Variants in UGGT2 observed in about 807,000 individuals in gnomAD.
UGGT2 encodes the protein UDP-glucose glycoprotein glucosyltransferase 2, also known as UDP-glucose:glycoprotein glucosyltransferase 2.
A neutral mutation model predicts 192.1 loss-of-function variants in UGGT2; 180 were observed. That is an observed-to-expected ratio of 0.94 (90% CI 0.83 to 1.06). The LOEUF (loss-of-function observed/expected upper bound fraction) is 1.06. UGGT2 is among the 50% of genes least tolerant of loss of function. The probability of loss-of-function intolerance (pLI) is 0.00; values close to 1 mark genes in which losing one functional copy is unlikely to be tolerated. For synonymous variants in UGGT2, 580 were observed against 591.0 expected, an observed-to-expected ratio of 0.98 and a Z score of 0.27; for missense variants, 1,849 against 1,795.7, an observed-to-expected ratio of 1.03 and a Z score of -0.54.
intron 2 of UGGT2, among the ~76,000 whole-genome samples, chr13:96,024,032 T>C (rs1314557624): frequency 2.0e-5 from 3 of 152,180 alleles, no homozygotes. Flanking sequence ...CAGACCAACT[T>C]ACTCCAAAGT....
At chr13:95,915,814 C>T (rs1225877258) in intron 20 of UGGT2, among the ~76,000 whole-genome samples, 1 of 152,168 alleles carries the variant, frequency 6.6e-6, no homozygotes, top group East Asian at 1.9e-4. Flanking sequence ...AGCAGGACCC[C>T]AATCCATTCC....
At chr13:95,989,483 T>C (rs766188132) in intron 8 of UGGT2, 1 of 248,616 alleles carries the variant, frequency 4.0e-6, no homozygotes, top group Non-Finnish European at 8.7e-6. Flanking sequence ...TCACAAAATA[T>C]CTGCTTGTAG....
At chr13:95,940,306 TTA>T (rs879113554) in intron 15 of UGGT2, among the ~76,000 whole-genome samples, 1 of 151,940 alleles carries the variant, frequency 6.6e-6, no homozygotes, top group South Asian at 2.1e-4. Flanking sequence ...CATAACAAAT[TTA>T]TGTTTTACTC....
At chr13:96,007,811 T>C (rs1158630293) in intron 5 of UGGT2, among the ~76,000 whole-genome samples, 1 of 152,136 alleles carries the variant, frequency 6.6e-6, no homozygotes, top group African/African-American at 2.4e-5. Context: ...TGGAAAGATA[T>C]TCCATGTTCA....
Position 95,942,221 on chromosome 13 carries a change from GGTGTGTGTGTGTGTGT to G in UGGT2, c.1678-2146_1678-2131del, listed in dbSNP as rs370041064. On this transcript the variant is annotated intron_variant, in intron 15 of 38. Transcript: ENST00000376747. ...GTACAAGAGCTTCTCTTAGGGTGAG[GGTGTGTGTGTGTGTGT>G]GTGTGTGTGTGTGTGTGTGTGTGTG... 5.3e-3 allele frequency among the ~76,000 whole-genome samples: 631 copies of G among 118,064 alleles called. 1 individual carries two copies. The highest frequency in any genetic ancestry group is 9.5e-3 in the Admixed American group (119 of 12,562). The allele number at this position is 118,064 out of a possible 152,430, so 77.5% of individuals were successfully genotyped here.
At chr13:95,802,991 G>A (rs1415686242) in intron 38 of UGGT2, among the ~76,000 whole-genome samples, 2 of 151,694 alleles carry the variant, frequency 1.3e-5, no homozygotes, top group Non-Finnish European at 2.9e-5. Flanking sequence ...CCGCCACCAC[G>A]CCCGGCTAAT....
chr13:95,970,237 CTTCT>C lies in UGGT2; in HGVS notation c.1206_1209del (p.Gly404LysfsTer2), dbSNP rs1484249170. ...TTGCGAAGGCCATTCATCATTTTTC[CTTCT>C]AATTTCAGCATATCCAAAATACTAT... is the stretch of plus-strand genomic sequence containing the variant. On this transcript the variant is annotated frameshift_variant, in exon 12 of 39. Coordinates refer to ENST00000376747, the MANE Select transcript of UGGT2 (RefSeq NM_020121.4). LOFTEE classifies it high-confidence loss of function. 4 of 1,612,608 alleles carry C rather than the reference CTTCT, an allele frequency of 2.5e-6. No homozygotes were observed. Among genetic ancestry groups the C allele is most frequent in the South Asian group, 1.1e-5 (1 of 90,886 alleles).
chr13:95,834,364 C>A (rs1190116387), intron 37 of UGGT2, among the ~76,000 whole-genome samples: 1 of 151,928 alleles, frequency 6.6e-6, no homozygotes, highest in Non-Finnish European at 1.5e-5. Context: ...TGGGGTGCTA[C>A]TGCCATCTAG....
intron 1 of UGGT2, among the ~76,000 whole-genome samples, 166 bp from the exon 2 acceptor site, chr13:96,032,137 ACT>A (rs1264006725): frequency 6.6e-6 from 1 of 152,188 alleles, no homozygotes; most frequent in African/African-American, 2.4e-5. Context: ...AAAAAAACAC[ACT>A]GACTATTCTT....
intron 12 of UGGT2, among the ~76,000 whole-genome samples, chr13:95,957,380 G>A (rs1475642118): frequency 6.6e-6 from 1 of 152,158 alleles, no homozygotes; most frequent in African/African-American, 2.4e-5. Flanking sequence ...CCTTTATGGA[G>A]GGTGGGTTCC....
At chr13:95,864,255 CCTCCCAA>C (rs1890432593) in intron 30 of UGGT2, among the ~76,000 whole-genome samples, 1 of 152,060 alleles carries the variant, frequency 6.6e-6, no homozygotes. Context: ...TTTCCTTCTA[CCTCCCAA>C]CTTATATTAA....
intron 38 of UGGT2, among the ~76,000 whole-genome samples, chr13:95,803,602 C>T (rs1263133145): frequency 2.6e-5 from 4 of 152,110 alleles, no homozygotes; most frequent in African/African-American, 4.8e-5. Context: ...TTGAGTAAAG[C>T]GCCCTCATTT....
At chr13:95,975,107 C>G (rs1297343181) in intron 10 of UGGT2, among the ~76,000 whole-genome samples, 1 of 151,978 alleles carries the variant, frequency 6.6e-6, no homozygotes, top group African/African-American at 2.4e-5. Flanking sequence ...AAAATGTCCC[C>G]TAAATGCGGC....
At chr13:95,954,927 T>C (rs1594428722) in intron 12 of UGGT2, among the ~76,000 whole-genome samples, 1 of 152,180 alleles carries the variant, frequency 6.6e-6, no homozygotes, top group East Asian at 1.9e-4. Context: ...TCCAAAAAAC[T>C]GAAATCTGAA....
At chr13:96,040,362 A>G (rs2053129495) in intron 1 of UGGT2, among the ~76,000 whole-genome samples, 2 of 152,046 alleles carry the variant, frequency 1.3e-5, no homozygotes, top group Admixed American at 1.3e-4. Context: ...TCCAATCTCT[A>G]ACTTCACATG....
intron 17 of UGGT2, among the ~76,000 whole-genome samples, chr13:95,931,536 G>C (rs867214096): frequency 6.6e-6 from 1 of 151,934 alleles, no homozygotes; most frequent in Non-Finnish European, 1.5e-5. Context: ...CCACGGTGCC[G>C]GGGCAGGGTG....
chr13:95,978,893 G>C (rs1039977699), intron 10 of UGGT2, among the ~76,000 whole-genome samples: 31 of 152,290 alleles, frequency 2.0e-4, no homozygotes, highest in African/African-American at 6.7e-4. Context: ...CCAGAACTCT[G>C]TATAATTCTC....
chr13:95,837,647 A>G (rs1887446900), intron 36 of UGGT2, among the ~76,000 whole-genome samples: 1 of 152,196 alleles, frequency 6.6e-6, no homozygotes, highest in South Asian at 2.1e-4. Context: ...GCATGCTCAG[A>G]GCTCTCTAAG....
At chr13:95,842,838 T>G (rs564813457) in intron 36 of UGGT2, among the ~76,000 whole-genome samples, 3 of 152,206 alleles carry the variant, frequency 2.0e-5, no homozygotes, top group African/African-American at 4.8e-5. Context: ...GTGAGTGACT[T>G]TGCCTAGCAG....
Sources: allele counts gnomAD v4.1 joint callset (sites outside exome capture counted in the v4.1 genomes callset), GRCh38; gene constraint gnomAD v4.1.1; transcripts MANE v1.5; gene names NCBI Gene and HGNC (gene_info 2026-07-23, HGNC 2026-07-21).